Variants in RBFOX1 observed in about 807,000 individuals in gnomAD.
RBFOX1 encodes RNA binding protein fox-1 homolog 1.
Under a neutral mutation model 57.7 loss-of-function variants are expected in RBFOX1, and 8 were observed. That is an observed-to-expected ratio of 0.14 (90% confidence interval 0.08 to 0.25). The LOEUF (loss-of-function observed/expected upper bound fraction) is 0.25. RBFOX1 is among the 10% of genes least tolerant of loss of function. The pLI, the probability that RBFOX1 is intolerant of heterozygous loss-of-function variation, is 1.00. For synonymous variants in RBFOX1, 326 were observed against 222.4 expected (o/e 1.47, Z -4.15); for missense variants, 611 against 548.5 (o/e 1.11, Z -1.14).
At chr16:7,524,172 G>A (rs1194913987) in intron 5 of RBFOX1, among the ~76,000 whole-genome samples, 4 of 152,164 alleles carry the variant, frequency 2.6e-5, no homozygotes, top group Admixed American at 6.5e-5. Context: ...GTACTTTTGG[G>A]TAAGAGAAAC....
intron 3 of RBFOX1, among the ~76,000 whole-genome samples, chr16:5,706,073 G>A (rs1596858234): frequency 6.6e-6 from 1 of 152,148 alleles, no homozygotes; most frequent in African/African-American, 2.4e-5. Flanking sequence ...ACCATGCCTA[G>A]CTAATTTTTG....
chr16:5,647,175 T>C (rs1450104534), intron 3 of RBFOX1, among the ~76,000 whole-genome samples: 3 of 152,124 alleles, frequency 2.0e-5, no homozygotes, highest in African/African-American at 7.2e-5. Flanking sequence ...GATATGTGGG[T>C]GGCATGTGCA....
intron 4 of RBFOX1, among the ~76,000 whole-genome samples, chr16:7,316,854 G>A (rs2096451110): frequency 6.6e-6 from 1 of 151,886 alleles, no homozygotes; most frequent in African/African-American, 2.4e-5. Flanking sequence ...AAAGGGACCA[G>A]GGAGCCAGTG....
At chr16:6,940,438 C>T (rs901945263) in intron 3 of RBFOX1, among the ~76,000 whole-genome samples, 1 of 152,088 alleles carries the variant, frequency 6.6e-6, no homozygotes, top group South Asian at 2.1e-4. Context: ...TTCTCTCTGT[C>T]CACACAGCAA....
At chr16:7,446,004 C>T (rs933693207) in intron 4 of RBFOX1, among the ~76,000 whole-genome samples, 1 of 152,170 alleles carries the variant, frequency 6.6e-6, no homozygotes, top group Non-Finnish European at 1.5e-5. Context: ...TCTTTCTAAT[C>T]TCAGCCTGCC....
chr16:7,395,472 G>T (rs976715734), intron 4 of RBFOX1, among the ~76,000 whole-genome samples: 1 of 152,232 alleles, frequency 6.6e-6, no homozygotes, highest in African/African-American at 2.4e-5. Flanking sequence ...TTTATCTGCA[G>T]TAAGAACATT....
intron 3 of RBFOX1, among the ~76,000 whole-genome samples, chr16:6,848,577 T>C: frequency 6.6e-6 from 1 of 151,118 alleles, no homozygotes; most frequent in East Asian, 2.0e-4. Context: ...AAAAAGGTGA[T>C]AGAACCAAAG....
chr16:7,705,832 T>C (rs995173247), intron 14 of RBFOX1, among the ~76,000 whole-genome samples: 14 of 152,150 alleles, frequency 9.2e-5, no homozygotes, highest in African/African-American at 3.4e-4. Flanking sequence ...ATCATGTGCA[T>C]GGAGTAAAGT....
Position 6,410,560 on chromosome 16 carries a change from C to T in RBFOX1, c.-64+93503C>T, listed in dbSNP as rs529501741. On this transcript the variant is annotated intron_variant, in intron 2 of 15. Transcript: ENST00000550418. ...TCTCCTGACCTCATGATCCACCCGC[C>T]TCTGCCTCCCAAAGTGCTGGGATTA... Among the ~76,000 whole-genome samples the T allele has an allele frequency of 1.5e-3, 226 of 152,218 alleles. 1 individual carries two copies. The highest frequency in any genetic ancestry group is 5.3e-3 in the African/African-American group (221 of 41,546).
chr16:7,066,839 C>A (rs1046048818), intron 4 of RBFOX1, among the ~76,000 whole-genome samples: 2 of 152,174 alleles, frequency 1.3e-5, no homozygotes, highest in South Asian at 2.1e-4. Context: ...TCTGTCTTCC[C>A]AGCCAGTGAG....
chr16:5,405,169 G>T (rs184674973), intron 1 of RBFOX1, among the ~76,000 whole-genome samples: 1 of 152,174 alleles, frequency 6.6e-6, no homozygotes, highest in Admixed American at 6.5e-5. Flanking sequence ...TGTGTGGTGT[G>T]CCCAGGGTGG....
chr16:6,113,148 G>A (rs1196216300), intron 1 of RBFOX1, among the ~76,000 whole-genome samples: 1 of 152,192 alleles, frequency 6.6e-6, no homozygotes, highest in Non-Finnish European at 1.5e-5. Context: ...CAAGATGCAA[G>A]TTGAGTTCAC....
intron 2 of RBFOX1, among the ~76,000 whole-genome samples, chr16:6,611,468 A>C (rs997192083): frequency 1.3e-5 from 2 of 151,992 alleles, no homozygotes; most frequent in Non-Finnish European, 2.9e-5. Flanking sequence ...CTTTTACATG[A>C]TGCTTCCTGT....
At chr16:7,586,901 T>C (rs1329837579) in intron 6 of RBFOX1, among the ~76,000 whole-genome samples, 1 of 152,210 alleles carries the variant, frequency 6.6e-6, no homozygotes, top group African/African-American at 2.4e-5. Context: ...TCTCCCAGTG[T>C]TTAGTGGGAT....
chr16:5,754,602 AG>A (rs1479459904), intron 3 of RBFOX1, among the ~76,000 whole-genome samples: 1 of 130,028 alleles, frequency 7.7e-6, no homozygotes, highest in Non-Finnish European at 1.6e-5. Flanking sequence ...GGGATGTGTC[AG>A]GGTCACAAGA....
intron 3 of RBFOX1, among the ~76,000 whole-genome samples, chr16:6,798,289 G>T (rs907652334): frequency 6.6e-6 from 1 of 152,098 alleles, no homozygotes; most frequent in African/African-American, 2.4e-5. Context: ...AATCTGCATA[G>T]ATTGTATCTA....
chr16:7,291,423 C>G (rs117973229), intron 4 of RBFOX1, among the ~76,000 whole-genome samples: 1 of 152,000 alleles, frequency 6.6e-6, no homozygotes, highest in South Asian at 2.1e-4. Flanking sequence ...ATGTGATGTG[C>G]TAGTATAGCC....
chr16:5,797,676 A>T (rs919634533), intron 3 of RBFOX1, among the ~76,000 whole-genome samples: 1 of 152,238 alleles, frequency 6.6e-6, no homozygotes, highest in South Asian at 2.1e-4. Flanking sequence ...TTGTTAGCTA[A>T]TCAAAGCCAG....
chr16:6,369,196 A>T (rs1483797720), intron 2 of RBFOX1, among the ~76,000 whole-genome samples: 2 of 152,192 alleles, frequency 1.3e-5, no homozygotes, highest in Non-Finnish European at 2.9e-5. Context: ...TACATCTTGT[A>T]TTAAGTAATA....
Sources: gnomAD v4.1 joint callset for allele counts (sites outside exome capture counted in the v4.1 genomes callset) on GRCh38, gnomAD v4.1.1 for gene constraint, MANE v1.5 for transcripts, NCBI Gene and HGNC (gene_info 2026-07-23, HGNC 2026-07-21) for gene names.